BFSP1: variants seen among roughly 807,000 people sequenced by gnomAD.
The protein encoded by BFSP1 is filensin.
Under a neutral mutation model 43.9 loss-of-function variants are expected in BFSP1, and 38 were observed. The observed-to-expected ratio is 0.87, with a 90% CI of 0.67 to 1.14. The LOEUF is 1.14. BFSP1 is among the 50% of genes most tolerant of loss of function. BFSP1 has a pLI of 0.00. For missense variants in BFSP1, 850 were observed against 875.1 expected, an observed-to-expected ratio of 0.97 and a Z score of 0.36; for synonymous variants, 352 against 354.8, an observed-to-expected ratio of 0.99 and a Z score of 0.09.
intron 2 of BFSP1, among the ~76,000 whole-genome samples, chr20:17,523,537 C>T (rs915554822): frequency 6.6e-6 from 1 of 151,714 alleles, no homozygotes; most frequent in African/African-American, 2.4e-5. Context: ...CAACTCCCAG[C>T]TCAGATGTCC....
chr20:17,505,193 T>A (rs1469193687), intron 5 of BFSP1, among the ~76,000 whole-genome samples: 1 of 152,174 alleles, frequency 6.6e-6, no homozygotes, highest in East Asian at 1.9e-4. Context: ...TATGTGCACT[T>A]ATTTGAAGGA....
intron 1 of BFSP1, among the ~76,000 whole-genome samples, chr20:17,536,387 C>T (rs1410530717): frequency 6.6e-6 from 1 of 152,002 alleles, no homozygotes; most frequent in African/African-American, 2.4e-5. Context: ...CCCATGTCGA[C>T]AAAAAATATA....
At chr20:17,555,855 T>C (rs1188297218) in intron 1 of BFSP1, among the ~76,000 whole-genome samples, 1 of 151,988 alleles carries the variant, frequency 6.6e-6, no homozygotes, top group African/African-American at 2.4e-5. Flanking sequence ...AAAGAGAAAA[T>C]GTATAAGGAT....
upstream of BFSP1, among the ~76,000 whole-genome samples, chr20:17,563,873 C>T (rs556169674): frequency 3.1e-3 from 382 of 123,690 alleles, 1 homozygote; most frequent in African/African-American, 0.011. Context: ...GGTGATAGAG[C>T]GAGACCGTGT....
chr20:17,496,992 G>C lies in BFSP1; in HGVS notation c.988C>G (p.Pro330Ala). The change falls in exon 7 of 8, where the codon CCC becomes GCC. Residue 330 changes from proline (P) to alanine (A), a missense_variant. By Grantham distance (27) the Pro-to-Ala change is conservative. Transcript: ENST00000377873. ...LTSAFIETPI[P>A]LFTQSHGVSL... ...ACTCCATGGCTCTGGGTGAACAGGG[G>C]AATGGGAGTTTCAATGAAGGCAGAG... The C allele has an allele frequency of 6.5e-7, 1 of 1,542,914 alleles. No individual in the cohort carries two copies. The highest frequency in any genetic ancestry group is 8.7e-7 in the Non-Finnish European group (1 of 1,144,560).
chr20:17,552,780 G>T (rs909505643), intron 1 of BFSP1, among the ~76,000 whole-genome samples: 1 of 152,142 alleles, frequency 6.6e-6, no homozygotes, highest in Non-Finnish European at 1.5e-5. Flanking sequence ...TACAAGATGG[G>T]GAAGACTGGA....
intron 1 of BFSP1, among the ~76,000 whole-genome samples, chr20:17,549,331 G>C (rs1463444227): frequency 6.6e-6 from 1 of 152,190 alleles, no homozygotes; most frequent in Non-Finnish European, 1.5e-5. Context: ...ATTGACTCAT[G>C]GTTCCTTAGG....
chr20:17,500,982 A>G (rs1187906579), intron 5 of BFSP1, among the ~76,000 whole-genome samples: 1 of 152,158 alleles, frequency 6.6e-6, no homozygotes, highest in Non-Finnish European at 1.5e-5. Context: ...GGGTGTTAAG[A>G]GTCTGACTCA....
At chr20:17,556,889 AG>A (rs1181065782) in intron 1 of BFSP1, among the ~76,000 whole-genome samples, 1 of 152,176 alleles carries the variant, frequency 6.6e-6, no homozygotes, top group Non-Finnish European at 1.5e-5. Flanking sequence ...TTTAATAGCC[AG>A]AAAAAATGCA....
In BFSP1 at chr20:17,525,009, T is replaced by C. The variant is rs2034391552; in HGVS notation, c.378-101A>G. The stretch of plus-strand genomic sequence containing the variant: ...AATTCAACCTGGGTACGATGCCCTC[T>C]CCTTTAAGGAGAGGGTCTTAATTTT... On this transcript the variant is annotated intron_variant, in intron 1 of 7. Transcript: ENST00000377873. The surrounding 1 kb of genome is among the most constrained non-coding windows in gnomAD (Gnocchi z 4.2). 1 of 1,014,764 alleles carries C rather than the reference T, an allele frequency of 9.9e-7. No individual in the cohort carries two copies. Among genetic ancestry groups the C allele is most frequent in the Non-Finnish European group, 1.6e-6 (1 of 639,010 alleles). The allele number at this position is 1,014,764 out of a possible 1,614,324, so 62.9% of individuals were successfully genotyped here. A position where few individuals can be genotyped will look rare whatever the true frequency, so the allele number is the denominator to read the frequency against.
Position 17,524,876 on chromosome 20 carries a change from A to C in BFSP1, c.410T>G (p.Leu137Arg). Residue 137 changes from leucine (L) to arginine (R), a missense_variant, in exon 2 of 8, where the codon CTA becomes CGA. Coordinates refer to ENST00000377873, the MANE Select transcript of BFSP1 (RefSeq NM_001195.5). ...GTTAAGCCGTTCAAGCATTTCTTTT[A>C]GCAGGAGTTGACATTCGCACTCATT... ...YENECECQLL[L>R]KEMLERLNKE... is the part of the protein sequence containing the mutation. The C allele has an allele frequency of 6.2e-7, 1 of 1,614,176 alleles. No homozygotes were observed. The highest frequency in any genetic ancestry group is 1.6e-4 in the Middle Eastern group (1 of 6,062).
intron 1 of BFSP1, among the ~76,000 whole-genome samples, chr20:17,542,006 T>C (rs2034726168): frequency 1.3e-5 from 2 of 152,204 alleles, no homozygotes; most frequent in South Asian, 4.1e-4. Context: ...AAGTGCCACT[T>C]TGCGAGGGTT....
At chr20:17,556,597 A>C (rs1395028984) in intron 1 of BFSP1, among the ~76,000 whole-genome samples, 1 of 152,178 alleles carries the variant, frequency 6.6e-6, no homozygotes, top group Non-Finnish European at 1.5e-5. Flanking sequence ...TGTGTAAATA[A>C]GCAAAACCTG....
intron 2 of BFSP1, among the ~76,000 whole-genome samples, chr20:17,519,069 C>T (rs1265471662): frequency 6.6e-6 from 1 of 151,436 alleles, no homozygotes; most frequent in African/African-American, 2.4e-5. Context: ...GTTCTATCTT[C>T]CCTCTGCCCC....
upstream of BFSP1, among the ~76,000 whole-genome samples, chr20:17,532,456 T>C (rs2123541911): frequency 6.6e-6 from 1 of 151,910 alleles, no homozygotes; most frequent in South Asian, 2.1e-4. Context: ...TTCTTTTTCT[T>C]TTTTTAACAT....
intron 1 of BFSP1, among the ~76,000 whole-genome samples, chr20:17,545,207 T>A (rs1034012769): frequency 5.9e-5 from 9 of 152,108 alleles, no homozygotes; most frequent in African/African-American, 1.7e-4. Flanking sequence ...AGGTAGGGCT[T>A]TTTTTTATTA....
In BFSP1 at chr20:17,548,657, G is replaced by A. The variant is rs550214134; in HGVS notation, c.2+10031C>T. 2.0e-5 allele frequency among the ~76,000 whole-genome samples: 3 copies of A among 152,310 alleles called. No individual in the cohort carries two copies. In the East Asian group the frequency reaches 5.8e-4, roughly 29 times the overall value. The stretch of plus-strand genomic sequence containing the variant: ...TCCAAGGGGCTTTTATCAGTTCTTG[G>A]AGTCAACCTCAATTTTTAAAAAATC... On this transcript the variant is annotated intron_variant, in intron 1 of 7. Transcript: ENST00000377868.
chr20:17,543,630 C>A (rs191806314), intron 1 of BFSP1, among the ~76,000 whole-genome samples: 313 of 152,172 alleles, frequency 2.1e-3, no homozygotes, highest in African/African-American at 7.1e-3. Flanking sequence ...CCAAGTTATG[C>A]AACATTATTA....
intron 2 of BFSP1, among the ~76,000 whole-genome samples, chr20:17,522,519 T>C (rs1410319158): frequency 2.0e-5 from 3 of 152,246 alleles, no homozygotes; most frequent in Admixed American, 6.5e-5. Context: ...CGTAGGTTTA[T>C]TTGGAAAGGA....
Sources: allele counts gnomAD v4.1 joint callset (sites outside exome capture counted in the v4.1 genomes callset), GRCh38; gene constraint gnomAD v4.1.1; non-coding constraint Gnocchi (gnomAD v3.1); transcripts MANE v1.5; gene names NCBI Gene and HGNC (gene_info 2026-07-23, HGNC 2026-07-21).